PCDHGB5: variants seen among roughly 807,000 people sequenced by gnomAD.
PCDHGB5 encodes the protein protocadherin gamma-B5.
Under a neutral mutation model 62.9 loss-of-function variants are expected in PCDHGB5, and 48 were observed. The observed-to-expected ratio is 0.76, with a 90% CI of 0.61 to 0.97. PCDHGB5 has a LOEUF of 0.97. PCDHGB5 is among the 50% of genes least tolerant of loss of function. PCDHGB5 has a pLI of 0.00. For missense variants in PCDHGB5, 1,118 were observed against 1,198.6 expected (o/e 0.93, Z 0.99); for synonymous variants, 474 against 511.2 (o/e 0.93, Z 0.98).
chr5:141,473,887 C>T (rs887871337), intron 1 of PCDHGB5, among the ~76,000 whole-genome samples: 3 of 152,144 alleles, frequency 2.0e-5, no homozygotes, highest in Non-Finnish European at 2.9e-5. Context: ...CACAAGGGTT[C>T]TGTTGGTTCA....
chr5:141,489,275 A>C lies in PCDHGB5; in HGVS notation c.2398-5532A>C. On this transcript the variant is annotated intron_variant, in intron 1 of 3. Transcript: ENST00000617380. This position sits in a 1 kb window ranked among gnomAD's most constrained non-coding sequence, Gnocchi z 4.5. ...AAGACACTCCCACAGCTCGCTGGGA[A>C]ATGGCAAGTGCTGTGCATGTTGTCC... The C allele has an allele frequency of 4.5e-6, 7 of 1,556,298 alleles. No individual in the cohort carries two copies. Among genetic ancestry groups the C allele is most frequent in the Non-Finnish European group, 6.1e-6 (7 of 1,151,600 alleles).
Position 141,400,401 on chromosome 5 carries a change from G to A in PCDHGB5, c.2274G>A (p.Thr758=), listed in dbSNP as rs760681088. 4 of 1,613,936 alleles carry A rather than the reference G, an allele frequency of 2.5e-6. No homozygotes were observed. The South Asian group carries it at 4.4e-5, about 18-fold the overall frequency. ...TATGTGTTGCACATACAGGAAAGAC[G>A]GAGTTTAATTTCCTAAAATGTAGTG... ...YNLCVAHTGK[T]EFNFLKCSEQ... Residue 758 remains threonine (T), a synonymous_variant, in exon 1 of 4, where the codon ACG becomes ACA. Transcript: ENST00000617380.
At chr5:141,510,447 C>T (rs1270073364) in intron 3 of PCDHGB5, among the ~76,000 whole-genome samples, 1 of 152,026 alleles carries the variant, frequency 6.6e-6, no homozygotes, top group Non-Finnish European at 1.5e-5. Flanking sequence ...CTCCAGGAGC[C>T]CATGGTCTAG....
intron 1 of PCDHGB5, among the ~76,000 whole-genome samples, chr5:141,430,366 A>G (rs551419486): frequency 3.3e-5 from 5 of 150,370 alleles, no homozygotes; most frequent in Admixed American, 6.7e-5. Context: ...CTCATTGGGG[A>G]AAAAAAAGCT....
intron 3 of PCDHGB5, among the ~76,000 whole-genome samples, chr5:141,507,617 C>T (rs1366723844): frequency 6.6e-6 from 1 of 152,278 alleles, no homozygotes; most frequent in African/African-American, 2.4e-5. Context: ...GTATATTTAG[C>T]TGTTGTGGCC....
rs762121534 is a variant in PCDHGB5, at chr5:141,403,984, A to G, written c.2397+3460A>G. 1.7e-5 allele frequency: 27 copies of G among 1,613,774 alleles called. No homozygotes were observed. The South Asian group carries it at 2.7e-4, about 16-fold the overall frequency. On this transcript the variant is annotated intron_variant, in intron 1 of 3. Coordinates refer to ENST00000617380, the MANE Select transcript of PCDHGB5 (RefSeq NM_018925.3). Reference sequence around the variant, plus strand: ...CGGTGGAAGATGTAAATGACAATAGACCTGAAGTGACCATTACATCTCTGT... The same window carrying G: ...CGGTGGAAGATGTAAATGACAATAGGCCTGAAGTGACCATTACATCTCTGT...
chr5:141,464,583 C>T (rs768431243), intron 1 of PCDHGB5, among the ~76,000 whole-genome samples: 6 of 152,024 alleles, frequency 3.9e-5, no homozygotes, highest in Admixed American at 2.0e-4. Context: ...TGAGAATGTC[C>T]ATTGTCCCAT....
chr5:141,415,873 G>A lies in PCDHGB5; in HGVS notation c.2397+15349G>A, dbSNP rs905638480. The A allele has an allele frequency of 9.6e-6, 10 of 1,046,220 alleles. No homozygotes were observed. In the East Asian group the frequency reaches 1.8e-4, roughly 19 times the overall value. The allele number at this position is 1,046,220 out of a possible 1,614,324, so 64.8% of individuals were successfully genotyped here. A position where few individuals can be genotyped will look rare whatever the true frequency, so the allele number is the denominator to read the frequency against. On this transcript the variant is annotated intron_variant, in intron 1 of 3. Transcript: ENST00000617380. ...ACCTTGTAGTTTATAGTGTTGTTGA[G>A]TACAATATTGACAATTCCTAAGACA...
At chr5:141,415,468 G>A (rs762272586) in intron 1 of PCDHGB5, 8 of 1,614,070 alleles carry the variant, frequency 5.0e-6, no homozygotes, top group East Asian at 2.2e-5. Context: ...CTCTCTCACC[G>A]CGGACTCGCG....
intron 1 of PCDHGB5, among the ~76,000 whole-genome samples, chr5:141,435,783 G>A (rs1273339025): frequency 6.6e-6 from 1 of 152,124 alleles, no homozygotes; most frequent in Non-Finnish European, 1.5e-5. Context: ...TAAAGGTGCA[G>A]GGAAACATAA....
chr5:141,478,135 C>T (rs1307702473), intron 1 of PCDHGB5: 7 of 1,613,970 alleles, frequency 4.3e-6, no homozygotes, highest in African/African-American at 1.3e-5. Flanking sequence ...CTCCTGAAGC[C>T]CGAGCCGAGT....
intron 1 of PCDHGB5, among the ~76,000 whole-genome samples, chr5:141,461,616 T>A (rs1399885412): frequency 6.6e-6 from 1 of 152,236 alleles, no homozygotes; most frequent in African/African-American, 2.4e-5. Context: ...CAAAGTATTT[T>A]CTAATACACC....
At chr5:141,412,938 T>C (rs2095590973) in intron 1 of PCDHGB5, 3 of 461,786 alleles carry the variant, frequency 6.5e-6, no homozygotes, top group Admixed American at 7.7e-5. Context: ...TTCTTAGGAC[T>C]CTGAGCGCCG....
chr5:141,491,646 G>T lies in PCDHGB5; in HGVS notation c.2398-3161G>T. On this transcript the variant is annotated intron_variant, in intron 1 of 3. Transcript: ENST00000617380. The surrounding 1 kb of genome is among the most constrained non-coding windows in gnomAD (Gnocchi z 6.9). ...GCGTTCAGCAGCCCACAGCTCTGGC[G>T]CTGGAGCCTGACGCCATCCGGTCCC... is the stretch of plus-strand genomic sequence containing the variant. 1 of 1,613,872 alleles carries T rather than the reference G, an allele frequency of 6.2e-7. No individual in the cohort carries two copies. The highest frequency in any genetic ancestry group is 8.5e-7 in the Non-Finnish European group (1 of 1,180,030).
At chr5:141,422,758 A>C (rs1237677806) in intron 1 of PCDHGB5, 3 of 1,613,032 alleles carry the variant, frequency 1.9e-6, no homozygotes, top group Non-Finnish European at 2.5e-6. Flanking sequence ...TATTAACTCC[A>C]ACACTGGTGT....
At chr5:141,488,385 G>A (rs917106670) in intron 1 of PCDHGB5, among the ~76,000 whole-genome samples, 11 of 152,164 alleles carry the variant, frequency 7.2e-5, no homozygotes, top group Non-Finnish European at 1.5e-5. Context: ...TCCTGAATTT[G>A]GTGAAACCAT....
chr5:141,423,121 G>T lies in PCDHGB5; in HGVS notation c.2397+22597G>T, dbSNP rs368205535. The T allele has an allele frequency of 5.6e-6, 9 of 1,613,680 alleles. No homozygotes were observed. The African/African-American group carries it at 1.1e-4, about 19-fold the overall frequency. ...CACGGGCGAGGTGCGTACAGCGCGG[G>T]CACTGCTGGACAGAGACGCGCTCAA... On this transcript the variant is annotated intron_variant, in intron 1 of 3. Coordinates refer to ENST00000617380, the MANE Select transcript of PCDHGB5 (RefSeq NM_018925.3).
chr5:141,403,196 G>C lies in PCDHGB5; in HGVS notation c.2397+2672G>C, dbSNP rs762413220. 13 of 1,613,868 alleles carry C rather than the reference G, an allele frequency of 8.1e-6. No individual in the cohort carries two copies. The highest frequency in any genetic ancestry group is 1.6e-4 in the Middle Eastern group (1 of 6,078). On this transcript the variant is annotated intron_variant, in intron 1 of 3. Transcript: ENST00000617380. ...GCTTTTCTCTCTGAACCCGCGCAGC[G>C]GCACCTTGGTCACCGCGGGTAGGAT...
chr5:141,398,727 A>G lies in PCDHGB5; in HGVS notation c.600A>G (p.Leu200=). ...CGGAACTGGCACTGGAGAAAACCTT[A>G]GACCGGGAACAACAGAGTTACCATC... ...KYPELALEKT[L]DREQQSYHRL... The change falls in exon 1 of 4, where the codon TTA becomes TTG. Residue 200 remains leucine (L), a synonymous_variant. Transcript: ENST00000617380. The G allele has an allele frequency of 6.2e-7, 1 of 1,613,894 alleles. No homozygotes were observed. The highest frequency in any genetic ancestry group is 1.6e-4 in the Middle Eastern group (1 of 6,062).
Sources: gnomAD v4.1 joint callset for allele counts (sites outside exome capture counted in the v4.1 genomes callset) on GRCh38, gnomAD v4.1.1 for gene constraint, Gnocchi (gnomAD v3.1) non-coding constraint, MANE v1.5 for transcripts, NCBI Gene and HGNC (gene_info 2026-07-23, HGNC 2026-07-21) for gene names.